PATL1: variants seen among roughly 807,000 people sequenced by gnomAD.
The protein encoded by PATL1 is PAT1 homolog 1, processing body mRNA decay factor.
Under a neutral mutation model 100.6 loss-of-function variants are expected in PATL1, and 32 were observed. The observed-to-expected ratio is 0.32, with a 90% CI of 0.24 to 0.43. PATL1 has a LOEUF of 0.43. Among genes scored for constraint, PATL1 ranks in the 20% least tolerant of loss-of-function variants. The pLI is 1.00. For synonymous variants in PATL1, 332 were observed against 330.0 expected, an observed-to-expected ratio of 1.01 and a Z score of -0.07; for missense variants, 747 against 949.9, an observed-to-expected ratio of 0.79 and a Z score of 2.81.
At chr11:59,651,834 G>C (rs576128520) in intron 11 of PATL1, among the ~76,000 whole-genome samples, 193 bp from the exon 12 acceptor site, 1 of 151,314 alleles carries the variant, frequency 6.6e-6, no homozygotes, top group Non-Finnish European at 1.5e-5. Context: ...GGAGGCCGAG[G>C]GGGGTAGATC....
chr11:59,652,338 G>C (rs1181472358), intron 11 of PATL1, 126 bp downstream of exon 11: 11 of 1,340,380 alleles, frequency 8.2e-6, no homozygotes, highest in African/African-American at 1.5e-5. Flanking sequence ...AAGAACAATG[G>C]TACTTTTAAA....
chr11:59,643,346 C>A (rs909374790), intron 15 of PATL1, among the ~76,000 whole-genome samples: 2 of 151,968 alleles, frequency 1.3e-5, no homozygotes, highest in African/African-American at 4.8e-5. Flanking sequence ...AATGCTTACA[C>A]TACACCATGG....
At chr11:59,668,462 G>C (rs2134767302) in intron 1 of PATL1, among the ~76,000 whole-genome samples, 1 of 152,208 alleles carries the variant, frequency 6.6e-6, no homozygotes, top group East Asian at 1.9e-4. Context: ...AGTGTAATTC[G>C]AGTGGAGGTG....
Position 59,650,823 on chromosome 11 carries a change from A to G in PATL1, c.1525-10T>C. On this transcript the variant is annotated splice_polypyrimidine_tract_variant and intron_variant, in intron 12 of 18. Coordinates refer to ENST00000300146, the MANE Select transcript of PATL1 (RefSeq NM_152716.3). ...GTTTTTCTTTTGTCTCCTAAAAAAGAGAAGACTATTCAATGCAAATTCTTT... is the reference window on the plus strand; with the variant it reads ...GTTTTTCTTTTGTCTCCTAAAAAAGGGAAGACTATTCAATGCAAATTCTTT... 6.5e-7 allele frequency: 1 copy of G among 1,539,822 alleles called. No individual in the cohort carries two copies. Among genetic ancestry groups the G allele is most frequent in the Non-Finnish European group, 8.8e-7 (1 of 1,135,782 alleles).
At chr11:59,663,498 T>C (rs900868807) in intron 2 of PATL1, among the ~76,000 whole-genome samples, 1 of 152,068 alleles carries the variant, frequency 6.6e-6, no homozygotes, top group African/African-American at 2.4e-5. Context: ...ATTGTGTCTA[T>C]AGTTACTTAA....
In PATL1 at chr11:59,639,133, G is replaced by C. The variant is rs760929852; in HGVS notation, c.2206C>G (p.Pro736Ala). 1 of 1,614,024 alleles carries C rather than the reference G, an allele frequency of 6.2e-7. No homozygotes were observed. Among genetic ancestry groups the C allele is most frequent in the East Asian group, 2.2e-5 (1 of 44,884 alleles). Residue 736 changes from proline to alanine, a missense_variant, in exon 18 of 19, where the codon CCA becomes GCA. Physicochemically the swap from Pro to Ala is conservative, Grantham distance 27 (BLOSUM62 -1). This residue lies in a region of PATL1 where 434 missense variants were observed against 596.1 expected (regional missense o/e 0.73). Coordinates refer to ENST00000300146, the MANE Select transcript of PATL1 (RefSeq NM_152716.3). ...ACTAGGTTTGTAGGTATAGAGATTG[G>C]CTTGGCCAGGGCTGCTTGGGGAATC... is the stretch of plus-strand genomic sequence containing the variant. ...LRIPQAALAKPISIPTNLVSL... is the reference protein window; with the variant it reads ...LRIPQAALAKAISIPTNLVSL...
chr11:59,656,668 CCCT>C, intron 5 of PATL1, 68 bp from the exon 6 acceptor site: 2 of 1,324,444 alleles, frequency 1.5e-6, no homozygotes, highest in Non-Finnish European at 2.1e-6. Context: ...ACACTCCCTC[CCCT>C]CAAGTACTGG....
chr11:59,641,720 T>G (rs555525153), intron 16 of PATL1, among the ~76,000 whole-genome samples: 1 of 152,222 alleles, frequency 6.6e-6, no homozygotes, highest in East Asian at 1.9e-4. Context: ...GCCACTGCAC[T>G]CTGGCCTGGG....
chr11:59,647,238 A>C (rs1379904928), intron 15 of PATL1, among the ~76,000 whole-genome samples: 2 of 151,830 alleles, frequency 1.3e-5, no homozygotes, highest in African/African-American at 4.8e-5. Flanking sequence ...AAAAAAAAAA[A>C]AAAAAACCAA....
intron 9 of PATL1, 93 bp from the exon 10 acceptor site, chr11:59,653,111 TTTTA>T: frequency 8.4e-7 from 1 of 1,187,604 alleles, no homozygotes; most frequent in South Asian, 1.8e-5. Flanking sequence ...TTTTTTTTTT[TTTTA>T]AAGATTCCCG....
At chr11:59,647,986 G>A (rs1590696905) in intron 14 of PATL1, 73 bp from the exon 15 acceptor site, 3 of 1,347,610 alleles carry the variant, frequency 2.2e-6, no homozygotes, top group East Asian at 4.7e-5. Context: ...CCTCTTAGAT[G>A]TTACTGAATG....
intron 15 of PATL1, among the ~76,000 whole-genome samples, chr11:59,647,234 A>C (rs1861377809): frequency 6.6e-6 from 1 of 150,944 alleles, no homozygotes; most frequent in African/African-American, 2.5e-5. Flanking sequence ...AAAAAAAAAA[A>C]AAAAAAAAAA....
At chr11:59,655,015 G>T (rs1861506264) in intron 8 of PATL1, among the ~76,000 whole-genome samples, 1 of 152,194 alleles carries the variant, frequency 6.6e-6, no homozygotes, top group South Asian at 2.1e-4. Context: ...ACTCAAGACT[G>T]CAACTTGAGC....
chr11:59,641,075 G>A (rs185450849), intron 16 of PATL1, among the ~76,000 whole-genome samples: 1 of 152,154 alleles, frequency 6.6e-6, no homozygotes, highest in Non-Finnish European at 1.5e-5. Flanking sequence ...GGGGGCTGAC[G>A]CAGGAGAACT....
At chr11:59,643,077 AC>A in intron 15 of PATL1, 42 bp from the exon 16 acceptor site, 1 of 1,591,956 alleles carries the variant, frequency 6.3e-7, no homozygotes, top group Admixed American at 1.7e-5. Flanking sequence ...GGCACGTGTT[AC>A]TTCAGTTACC....
chr11:59,666,286 C>T lies in PATL1; in HGVS notation c.127+567G>A, dbSNP rs185377264. On this transcript the variant is annotated intron_variant, in intron 2 of 18. Transcript: ENST00000300146. ...AATAAATAAATAATATGTATCTATA[C>T]CCAGGGATGGACAAAATTTCATCTG... is the stretch of plus-strand genomic sequence containing the variant. 2.2e-4 allele frequency among the ~76,000 whole-genome samples: 34 copies of T among 152,174 alleles called. No homozygotes were observed. In the East Asian group the frequency reaches 5.8e-3, roughly 26 times the overall value.
Position 59,657,598 on chromosome 11 carries a change from G to A in PATL1, c.553C>T (p.Pro185Ser), listed in dbSNP as rs1190926963. The part of the protein sequence containing the change: ...RRSTSPIIGS[P>S]PVRAVPIGTP... ...CCTATGGGGACAGCTCTAACAGGAGGACTGCCAATGATAGGTGAAGTTGAC... is the reference window on the plus strand; with the variant it reads ...CCTATGGGGACAGCTCTAACAGGAGAACTGCCAATGATAGGTGAAGTTGAC... Residue 185 changes from proline (P) to serine (S), a missense_variant, in exon 5 of 19, where the codon CCT becomes TCT. Pro to Ser is a moderately conservative substitution (Grantham distance 74, BLOSUM62 -1). Around this residue, in one of 4 missense-constraint regions of PATL1, gnomAD observed 183 missense variants for 221.2 expected, o/e 0.83. Coordinates refer to ENST00000300146, the MANE Select transcript of PATL1 (RefSeq NM_152716.3). 1 of 1,612,484 alleles carries A rather than the reference G, an allele frequency of 6.2e-7. No individual in the cohort carries two copies. Among genetic ancestry groups the A allele is most frequent in the Non-Finnish European group, 8.5e-7 (1 of 1,179,812 alleles).
In PATL1 at chr11:59,668,094, C is replaced by T. The variant is rs919167574; in HGVS notation, c.15+787G>A. ...AGGCAACTTCCAGCAGTACTCCCTT[C>T]CAAATCACAAATATCTACTTTACCA... On this transcript the variant is annotated intron_variant, in intron 1 of 18. Transcript: ENST00000300146. Among the ~76,000 whole-genome samples the T allele has an allele frequency of 3.3e-5, 5 of 152,368 alleles. No homozygotes were observed. In the South Asian group the frequency reaches 6.2e-4, roughly 19 times the overall value.
At chr11:59,639,568 G>A (rs1861244738) in intron 16 of PATL1, 185 bp from the exon 17 acceptor site, 1 of 562,734 alleles carries the variant, frequency 1.8e-6, no homozygotes, top group Non-Finnish European at 3.2e-6. Context: ...CTCTCTCCAG[G>A]CTTTATTCTG....
Sources: gnomAD v4.1 joint callset for allele counts (sites outside exome capture counted in the v4.1 genomes callset) on GRCh38, gnomAD v4.1.1 for gene constraint, gnomAD v4.1.1 regional missense constraint, MANE v1.5 for transcripts, NCBI Gene and HGNC (gene_info 2026-07-23, HGNC 2026-07-21) for gene names.